The following GRM7 variants were observed in gnomAD, a reference collection of about 807,000 sequenced individuals.
GRM7 encodes metabotropic glutamate receptor 7.
In GRM7, 35 loss-of-function variants were observed where a neutral mutation model predicts 84.5. The observed-to-expected ratio is 0.41, with a 90% CI of 0.32 to 0.55. The LOEUF (loss-of-function observed/expected upper bound fraction) is 0.55. Ranked by LOEUF, GRM7 falls within the 20% of genes least tolerant of loss-of-function variation. The pLI, the probability that GRM7 is intolerant of heterozygous loss-of-function variation, is 0.19. For synonymous variants in GRM7, 487 were observed against 455.1 expected (o/e 1.07, Z -0.89); for missense variants, 1,003 against 1,194.6 (o/e 0.84, Z 2.36).
chr3:7,187,630 G>A (rs1695565860), intron 2 of GRM7, among the ~76,000 whole-genome samples: 1 of 151,272 alleles, frequency 6.6e-6, no homozygotes, highest in Non-Finnish European at 1.5e-5. Context: ...ACAGAAAGTA[G>A]CAGCTCAGGG....
intron 1 of GRM7, among the ~76,000 whole-genome samples, chr3:6,893,407 T>C (rs1163902589): frequency 1.3e-5 from 2 of 152,210 alleles, no homozygotes; most frequent in Non-Finnish European, 2.9e-5. Flanking sequence ...ATTGGTTCTA[T>C]TGGTAACTGT....
chr3:7,350,604 G>C (rs1693097315), intron 4 of GRM7, among the ~76,000 whole-genome samples: 1 of 151,986 alleles, frequency 6.6e-6, no homozygotes, highest in Non-Finnish European at 1.5e-5. Flanking sequence ...CCATTCTCAG[G>C]CATTTCTTTA....
chr3:7,517,818 T>C (rs1236090810), intron 7 of GRM7, among the ~76,000 whole-genome samples: 2 of 152,256 alleles, frequency 1.3e-5, no homozygotes, highest in Admixed American at 1.3e-4. Context: ...ACTTCTTTTA[T>C]CACCAGATTT....
At chr3:6,988,277 G>C (rs1023570118) in intron 1 of GRM7, among the ~76,000 whole-genome samples, 4 of 149,886 alleles carry the variant, frequency 2.7e-5, no homozygotes, top group Non-Finnish European at 5.9e-5. Context: ...CCAAAGTGCT[G>C]GGATTACAGG....
Position 6,878,249 on chromosome 3 carries a change from A to G in GRM7, c.519+16342A>G, listed in dbSNP as rs760817542. 5.3e-5 allele frequency among the ~76,000 whole-genome samples: 8 copies of G among 152,292 alleles called. No homozygotes were observed. The South Asian group carries it at 1.0e-3, about 20-fold the overall frequency. On this transcript the variant is annotated intron_variant, in intron 1 of 9. Coordinates refer to ENST00000357716, the MANE Select transcript of GRM7 (RefSeq NM_000844.4). ...TTTGTTGCTGTCCTTCTGATTGAAG[A>G]TGGCAAACATTGACTTAAAGACCAA...
intron 7 of GRM7, among the ~76,000 whole-genome samples, chr3:7,543,560 A>C (rs991077767): frequency 1.2e-4 from 18 of 152,234 alleles, no homozygotes; most frequent in African/African-American, 4.1e-4. Context: ...ACCAGGCTGC[A>C]GGCCTGGAAA....
intron 4 of GRM7, among the ~76,000 whole-genome samples, chr3:7,402,073 T>C (rs1695477221): frequency 6.6e-6 from 1 of 152,136 alleles, no homozygotes; most frequent in Non-Finnish European, 1.5e-5. Context: ...AGGACTCTAA[T>C]TGACTCATCT....
At chr3:7,690,516 G>A (rs148344479) in intron 9 of GRM7, among the ~76,000 whole-genome samples, 178 of 152,278 alleles carry the variant, frequency 1.2e-3, no homozygotes, top group Admixed American at 2.6e-3. Flanking sequence ...GTATAAACGT[G>A]ATGTCACAGG....
intron 1 of GRM7, among the ~76,000 whole-genome samples, chr3:6,881,904 A>G (rs1205747820): frequency 6.9e-6 from 1 of 144,092 alleles, no homozygotes; most frequent in African/African-American, 2.6e-5. Flanking sequence ...ATGATCGATT[A>G]GTCTAAGGCA....
intron 4 of GRM7, among the ~76,000 whole-genome samples, chr3:7,398,163 A>G (rs1267081756): frequency 6.6e-6 from 1 of 152,220 alleles, no homozygotes; most frequent in Non-Finnish European, 1.5e-5. Flanking sequence ...AGTAAATTTT[A>G]AAATGTCTTT....
At chr3:7,685,230 C>G (rs1700532781) in intron 9 of GRM7, among the ~76,000 whole-genome samples, 1 of 152,166 alleles carries the variant, frequency 6.6e-6, no homozygotes, top group African/African-American at 2.4e-5. Context: ...GCCTTCTTCA[C>G]CTGGACTGGT....
intron 2 of GRM7, among the ~76,000 whole-genome samples, chr3:7,197,923 T>C (rs1011968030): frequency 1.3e-5 from 2 of 151,688 alleles, no homozygotes; most frequent in Admixed American, 6.6e-5. Flanking sequence ...TGAATGAAAA[T>C]ATGGTGGAAG....
Position 7,424,558 on chromosome 3 carries a change from C to G in GRM7, c.1174+9395C>G, listed in dbSNP as rs117782050. On this transcript the variant is annotated intron_variant, in intron 5 of 9. Transcript: ENST00000357716. Reference sequence around the variant, plus strand: ...ACAAAAGACCAGAACCTTGGAGACACTTTGTGACTTCTCTGAGAGTATAGC... The same window carrying G: ...ACAAAAGACCAGAACCTTGGAGACAGTTTGTGACTTCTCTGAGAGTATAGC... Among the ~76,000 whole-genome samples, 137 of 152,272 alleles carry G rather than the reference C, an allele frequency of 9.0e-4. 2 individuals carry two copies. In the East Asian group the frequency reaches 0.024, roughly 26 times the overall value.
At position 7,492,342 on chromosome 3, in the gene GRM7, C is replaced by T. The variant is rs1477613000; in HGVS notation, c.1515+30620C>T. On this transcript the variant is annotated intron_variant, in intron 7 of 9. Transcript: ENST00000357716. Reference sequence around the variant, plus strand: ...ATGAAGCCATCTGCACCTAAAAGTTCACTTTTTTTGTAGTTTTTAATTGCA... The same window carrying T: ...ATGAAGCCATCTGCACCTAAAAGTTTACTTTTTTTGTAGTTTTTAATTGCA... Among the ~76,000 whole-genome samples, 4 of 152,066 alleles carry T rather than the reference C, an allele frequency of 2.6e-5. No individual in the cohort carries two copies. The East Asian group carries it at 7.7e-4, about 29-fold the overall frequency.
intron 1 of GRM7, among the ~76,000 whole-genome samples, chr3:7,075,612 G>A (rs1037105617): frequency 6.6e-6 from 1 of 150,772 alleles, no homozygotes; most frequent in African/African-American, 2.4e-5. Flanking sequence ...TGCAGCCTCC[G>A]GCTCCTGGGT....
intron 5 of GRM7, among the ~76,000 whole-genome samples, chr3:7,452,394 A>G (rs1697807914): frequency 6.6e-6 from 1 of 152,186 alleles, no homozygotes; most frequent in Non-Finnish European, 1.5e-5. Flanking sequence ...GTAAAATACT[A>G]CAAGCTATTA....
intron 2 of GRM7, among the ~76,000 whole-genome samples, chr3:7,206,308 A>G (rs1328422840): frequency 1.3e-5 from 2 of 152,206 alleles, no homozygotes; most frequent in African/African-American, 2.4e-5. Flanking sequence ...AGCTATTACG[A>G]CTAACTAAAA....
At chr3:7,195,528 G>A (rs1383152903) in intron 2 of GRM7, among the ~76,000 whole-genome samples, 8 of 152,082 alleles carry the variant, frequency 5.3e-5, no homozygotes, top group Admixed American at 4.6e-4. Context: ...AGAAATTTGG[G>A]ATTTTGGACT....
chr3:7,617,412 G>A (rs573829622), intron 8 of GRM7, among the ~76,000 whole-genome samples: 2 of 152,140 alleles, frequency 1.3e-5, no homozygotes, highest in Admixed American at 6.6e-5. Context: ...TTCATGTCTT[G>A]CAGAAAAGGG....
Sources: allele counts gnomAD v4.1 joint callset (sites outside exome capture counted in the v4.1 genomes callset), GRCh38; gene constraint gnomAD v4.1.1; transcripts MANE v1.5; gene names NCBI Gene and HGNC (gene_info 2026-07-23, HGNC 2026-07-21).